Variants in TRMT61B observed in about 807,000 individuals in gnomAD.
The protein encoded by TRMT61B is tRNA (adenine(58)-N(1))-methyltransferase, mitochondrial.
In TRMT61B, 56 loss-of-function variants were observed where a neutral mutation model predicts 52.0. That is an observed-to-expected ratio of 1.08 (90% CI 0.87 to 1.35). The LOEUF (loss-of-function observed/expected upper bound fraction) is 1.35. TRMT61B is among the 40% of genes most tolerant of loss of function. The pLI is 0.00. For synonymous variants in TRMT61B, 206 were observed against 220.0 expected (o/e 0.94, Z 0.56); for missense variants, 650 against 577.9 (o/e 1.12, Z -1.28).
Position 28,861,158 on chromosome 2 carries a change from G to A in TRMT61B, c.953C>T (p.Ser318Leu). 6.2e-7 allele frequency: 1 copy of A among 1,610,256 alleles called. No homozygotes were observed. The highest frequency in any genetic ancestry group is 8.5e-7 in the Non-Finnish European group (1 of 1,179,038). ...DNVDFIHKDI[S>L]GATEDIKSLT... ...AGATTTTATGTCTTCGGTTGCTCCT[G>A]AAATGTCCTTATGAATAAAATCCAC... The change falls in exon 3 of 7, where the codon TCA becomes TTA. Residue 318 changes from serine to leucine, a missense_variant. Coordinates refer to ENST00000306108, the MANE Select transcript of TRMT61B (RefSeq NM_017910.4).
chr2:28,850,424 T>C lies in TRMT61B; in HGVS notation c.1313-19A>G, dbSNP rs776258806. The C allele has an allele frequency of 4.7e-6, 7 of 1,491,532 alleles. No individual in the cohort carries two copies. Among genetic ancestry groups the C allele is most frequent in the Middle Eastern group, 2.0e-4 (1 of 5,110 alleles). The allele number at this position is 1,491,532 out of a possible 1,614,324, so 92.4% of individuals were successfully genotyped here. A position where few individuals can be genotyped will look rare whatever the true frequency, so the allele number is the denominator to read the frequency against. The stretch of plus-strand genomic sequence containing the variant: ...GATTCTTCTGTTGTAAAAAAATATA[T>C]GTACTATAAGCTACATAAAATATTT... On this transcript the variant is annotated intron_variant, in intron 5 of 6. Transcript: ENST00000306108.
chr2:28,870,010 G>A lies in TRMT61B; in HGVS notation c.268C>T (p.Leu90=). The A allele has an allele frequency of 6.2e-7, 1 of 1,613,814 alleles. No homozygotes were observed. The highest frequency in any genetic ancestry group is 8.5e-7 in the Non-Finnish European group (1 of 1,180,038). The change falls in exon 1 of 7, where the codon CTG becomes TTG. Residue 90 remains leucine, a synonymous_variant. Coordinates refer to ENST00000306108, the MANE Select transcript of TRMT61B (RefSeq NM_017910.4). ...GATGACTCTTCCCGCAGCGTCGGCA[G>A]TCTGAGGTTTTCCAGTGACGAAAGA... The part of the protein sequence containing the change: ...GCLSSLENLR[L]PTLREESSPR...
chr2:28,853,701 T>C (rs2148123381), intron 3 of TRMT61B, among the ~76,000 whole-genome samples: 1 of 152,174 alleles, frequency 6.6e-6, no homozygotes, highest in East Asian at 1.9e-4. Context: ...CCAGGTGTGG[T>C]GGTGCACACC....
At chr2:28,862,522 C>T (rs1669652752) in intron 2 of TRMT61B, among the ~76,000 whole-genome samples, 3 of 151,000 alleles carry the variant, frequency 2.0e-5, no homozygotes, top group South Asian at 4.2e-4. Flanking sequence ...TTGGTAGAGA[C>T]AGGGTTTCGC....
Position 28,869,653 on chromosome 2 carries a change from A to C in TRMT61B, c.625T>G (p.Tyr209Asp). ...QILRSSFGKQ[Y>D]MLRRPALEDY... ...TCCAAGGCTGGCCTCCTCAGCATGT[A>C]CTGCTTACCGAAGGAACTCCTCAGT... Residue 209 changes from tyrosine (Y) to aspartate (D), a missense_variant, in exon 1 of 7, where the codon TAC (tyrosine) becomes GAC (aspartate). Coordinates refer to ENST00000306108, the MANE Select transcript of TRMT61B (RefSeq NM_017910.4). 1 of 1,614,130 alleles carries C rather than the reference A, an allele frequency of 6.2e-7. No homozygotes were observed. Among genetic ancestry groups the C allele is most frequent in the South Asian group, 1.1e-5 (1 of 91,080 alleles).
chr2:28,866,944 T>TA (rs1669875518), intron 1 of TRMT61B, among the ~76,000 whole-genome samples: 1 of 151,710 alleles, frequency 6.6e-6, no homozygotes, highest in African/African-American at 2.4e-5. Flanking sequence ...CACAGGCATG[T>TA]ACCACCATGC....
intron 4 of TRMT61B, among the ~76,000 whole-genome samples, chr2:28,851,743 G>A (rs1669107006): frequency 6.6e-6 from 1 of 151,442 alleles, no homozygotes. Flanking sequence ...GCCGGGTGTG[G>A]TGGCGCATAC....
chr2:28,856,223 T>G (rs1442580559), intron 3 of TRMT61B, among the ~76,000 whole-genome samples: 4 of 152,228 alleles, frequency 2.6e-5, no homozygotes, highest in Admixed American at 2.6e-4. Context: ...GCCATCATTT[T>G]CTTTACCTTG....
chr2:28,858,794 CAAAAAAAAAA>C (rs1033258916), intron 3 of TRMT61B, among the ~76,000 whole-genome samples: 6 of 23,586 alleles, frequency 2.5e-4, no homozygotes, highest in African/African-American at 6.1e-4. Context: ...GACTCCGTCT[CAAAAAAAAAA>C]AAAAAAAAAA....
chr2:28,864,894 G>T, intron 2 of TRMT61B, 123 bp downstream of exon 2: 1 of 597,356 alleles, frequency 1.7e-6, no homozygotes, highest in South Asian at 2.2e-5. Context: ...CTTACTTTCA[G>T]ATTCTAGGAG....
At chr2:28,850,569 T>C (rs986156772) in intron 5 of TRMT61B, 164 bp from the exon 6 acceptor site, 2 of 565,526 alleles carry the variant, frequency 3.5e-6, no homozygotes, top group African/African-American at 3.8e-5. Flanking sequence ...CAGAAACTAT[T>C]TGTCAATGAT....
intron 1 of TRMT61B, among the ~76,000 whole-genome samples, chr2:28,865,854 T>C (rs900184665): frequency 6.6e-6 from 1 of 150,592 alleles, no homozygotes; most frequent in Non-Finnish European, 1.5e-5. Flanking sequence ...CTAATTTTTG[T>C]ATTTTTAGTG....
In TRMT61B at chr2:28,869,882, G is replaced by T. The variant is rs1173130521; in HGVS notation, c.396C>A (p.Thr132=). 6.2e-7 allele frequency: 1 copy of T among 1,614,030 alleles called. No homozygotes were observed. ...PSMLSQAQSA[T]EVEERHVSPS... ...GGGAGACGTGACGCTCTTCGACCTC[G>T]GTAGCGGACTGGGCCTGCGAGAGCA... Residue 132 remains threonine (T), a synonymous_variant, in exon 1 of 7, where the codon ACC becomes ACA. Coordinates refer to ENST00000306108, the MANE Select transcript of TRMT61B (RefSeq NM_017910.4).
chr2:28,861,413 C>A (rs1242315487), intron 2 of TRMT61B, 105 bp from the exon 3 acceptor site: 7 of 880,516 alleles, frequency 7.9e-6, no homozygotes, highest in Admixed American at 7.1e-5. Context: ...AAAAATAATT[C>A]AAATAGTTCA....
chr2:28,868,125 G>A (rs914634000), intron 1 of TRMT61B, among the ~76,000 whole-genome samples: 14 of 152,198 alleles, frequency 9.2e-5, no homozygotes, highest in Admixed American at 6.5e-4. Context: ...TGGGTAGACC[G>A]TTTAAAATAC....
Position 28,861,301 on chromosome 2 carries a change from T to C in TRMT61B, c.810A>G (p.Ser270=). ...MSLFLSKAVG[S]QGRVISFEVR... ...CCTCAAAACTTATGACTCGTCCTTG[T>C]GATCCAACTTAAGTAAAAAATAATT... Residue 270 remains serine (S), a synonymous_variant, in exon 3 of 7, where the codon TCA becomes TCG. Transcript: ENST00000306108. 1 of 1,578,168 alleles carries C rather than the reference T, an allele frequency of 6.3e-7. No homozygotes were observed. The highest frequency in any genetic ancestry group is 2.3e-5 in the East Asian group (1 of 44,286).
At position 28,861,241 on chromosome 2, in the gene TRMT61B, ATTC is replaced by A. The variant is rs777201897; in HGVS notation, c.867_869del (p.Lys289del). On this transcript the variant is annotated inframe_deletion, in exon 3 of 7. Coordinates refer to ENST00000306108, the MANE Select transcript of TRMT61B (RefSeq NM_017910.4). ...TCCATGAATCACGCCAGTGTTTGTA[ATTC>A]TTCTTAGCCAGATCATGGTGGTCTT... is the stretch of plus-strand genomic sequence containing the variant. 15 of 1,613,466 alleles carry A rather than the reference ATTC, an allele frequency of 9.3e-6. No individual in the cohort carries two copies. The highest frequency in any genetic ancestry group is 1.2e-5 in the Non-Finnish European group (14 of 1,179,862).
At chr2:28,850,475 AAT>A (rs1368338412) in intron 5 of TRMT61B, 70 bp from the exon 6 acceptor site, 2 of 1,020,604 alleles carry the variant, frequency 2.0e-6, no homozygotes, top group African/African-American at 1.6e-5. Flanking sequence ...AAACTGTTAA[AAT>A]ATGAGTTACT....
rs771360005 is a variant in TRMT61B, at chr2:28,852,622, T to C, written c.994-123A>G. The C allele has an allele frequency of 1.2e-4, 78 of 647,734 alleles. 1 individual carries two copies. The highest frequency in any genetic ancestry group is 1.9e-4 in the Non-Finnish European group (71 of 368,354). The allele number at this position is 647,734 out of a possible 1,614,324, so 40.1% of individuals were successfully genotyped here. The stretch of plus-strand genomic sequence containing the variant: ...TCAAAGTATTTCATTTTTTAGAAGG[T>C]AGTATTATTAACTATCATTTTACCA... On this transcript the variant is annotated intron_variant, in intron 3 of 6. Coordinates refer to ENST00000306108, the MANE Select transcript of TRMT61B (RefSeq NM_017910.4).
Sources: allele counts gnomAD v4.1 joint callset (sites outside exome capture counted in the v4.1 genomes callset), GRCh38; gene constraint gnomAD v4.1.1; transcripts MANE v1.5; gene names NCBI Gene and HGNC (gene_info 2026-07-23, HGNC 2026-07-21).